The following ZNF536 variants were observed in gnomAD, a reference collection of about 807,000 sequenced individuals.
ZNF536 encodes zinc finger protein 536.
ZNF536 carries 13 observed loss-of-function variants against 84.5 expected under a neutral mutation model. The observed-to-expected ratio is 0.15, with a 90% CI of 0.10 to 0.24. The LOEUF is 0.24. Among genes scored for constraint, ZNF536 ranks in the 10% least tolerant of loss-of-function variants. The probability of loss-of-function intolerance (pLI) is 1.00; values close to 1 mark genes in which losing one functional copy is unlikely to be tolerated. For missense variants in ZNF536, 1,536 were observed against 1,747.5 expected (o/e 0.88, Z 2.16); for synonymous variants, 811 against 742.5 (o/e 1.09, Z -1.50).
intron 1 of ZNF536, among the ~76,000 whole-genome samples, chr19:30,702,268 C>T (rs1023782195): frequency 3.9e-5 from 6 of 152,202 alleles, no homozygotes; most frequent in African/African-American, 1.2e-4. Context: ...TCCTCTTGAC[C>T]CTCCGCACTG....
At chr19:30,699,841 A>G (rs1318564687) in intron 1 of ZNF536, among the ~76,000 whole-genome samples, 2 of 152,200 alleles carry the variant, frequency 1.3e-5, no homozygotes. Context: ...AAGGTCCCCA[A>G]GTGAAGACCA....
chr19:30,297,528 C>T (rs1467058117), intron 2 of ZNF536, among the ~76,000 whole-genome samples: 1 of 152,182 alleles, frequency 6.6e-6, no homozygotes, highest in Non-Finnish European at 1.5e-5. Context: ...TTTCTTTCCC[C>T]AGCAGAGACA....
intron 1 of ZNF536, among the ~76,000 whole-genome samples, chr19:30,413,882 G>A (rs2050600031): frequency 6.6e-6 from 1 of 151,930 alleles, no homozygotes; most frequent in Non-Finnish European, 1.5e-5. Flanking sequence ...ATGAGGTCAG[G>A]AGTTCGAGAC....
chr19:30,537,012 A>G (rs1475198921), intron 3 of ZNF536, among the ~76,000 whole-genome samples: 1 of 151,798 alleles, frequency 6.6e-6, no homozygotes, highest in African/African-American at 2.4e-5. Context: ...ACTTCTCTCC[A>G]TAGTGCTCAC....
intron 2 of ZNF536, among the ~76,000 whole-genome samples, chr19:30,332,303 C>A (rs1258660612): frequency 6.6e-6 from 1 of 152,200 alleles, no homozygotes; most frequent in Non-Finnish European, 1.5e-5. Context: ...TCTTCTCTGA[C>A]CTGCTCTTCC....
intron 1 of ZNF536, among the ~76,000 whole-genome samples, chr19:30,704,621 T>C (rs983600939): frequency 1.6e-5 from 2 of 121,820 alleles, no homozygotes; most frequent in South Asian, 2.7e-4. Context: ...CACTCCAGCC[T>C]GGGCAACAAG....
At chr19:30,336,044 C>G (rs764836283) in intron 2 of ZNF536, among the ~76,000 whole-genome samples, 8 of 152,262 alleles carry the variant, frequency 5.3e-5, no homozygotes, top group Middle Eastern at 3.4e-3. Flanking sequence ...AGGTTAAATT[C>G]GGTTCAGTTC....
chr19:30,428,726 C>T (rs2147944137), intron 1 of ZNF536, among the ~76,000 whole-genome samples: 1 of 152,258 alleles, frequency 6.6e-6, no homozygotes, highest in African/African-American at 2.4e-5. Flanking sequence ...ACAGAGTGTC[C>T]AACATCAGAT....
At chr19:30,455,035 AAAACAAAC>A (rs56166320) in intron 2 of ZNF536, among the ~76,000 whole-genome samples, 33 of 149,828 alleles carry the variant, frequency 2.2e-4, no homozygotes, top group East Asian at 7.9e-4. Flanking sequence ...CTCCATCTCA[AAAACAAAC>A]AAACAAACAA....
Position 30,579,461 on chromosome 19 carries a change from G to A in ZNF536, c.169+29947G>A, listed in dbSNP as rs2046846479. On this transcript the variant is annotated intron_variant, in intron 1 of 1. Coordinates refer to the ZNF536 transcript ENST00000592773. ...GCTTTGACTGGGGTTCCTTAGTTCT[G>A]TTCTGTGTGGTCTCTCATCTCCAGC... Among the ~76,000 whole-genome samples, 3 of 152,166 alleles carry A rather than the reference G, an allele frequency of 2.0e-5. No individual in the cohort carries two copies. In the South Asian group the frequency reaches 6.2e-4, roughly 32 times the overall value.
chr19:30,534,892 C>CGCT lies in ZNF536; in HGVS notation c.2220_2222dup (p.Leu741dup), dbSNP rs772652992. 1 of 1,613,880 alleles carries CGCT rather than the reference C, an allele frequency of 6.2e-7. No homozygotes were observed. The highest frequency in any genetic ancestry group is 1.1e-5 in the South Asian group (1 of 90,964). On this transcript the variant is annotated inframe_insertion, in exon 3 of 5. Coordinates refer to ENST00000355537, the MANE Select transcript of ZNF536 (RefSeq NM_014717.3). ...AGATCTGCCGGCGTCCAGCAACCAG[C>CGCT]GCTGCTTCGCGACAGAAGCCTGGGC...
At chr19:30,411,306 T>C (rs991983299) in intron 1 of ZNF536, among the ~76,000 whole-genome samples, 1 of 152,162 alleles carries the variant, frequency 6.6e-6, no homozygotes, top group Non-Finnish European at 1.5e-5. Context: ...CAACAATATA[T>C]ACAAATAAAG....
At chr19:30,538,277 A>C (rs1430075528) in intron 3 of ZNF536, among the ~76,000 whole-genome samples, 1 of 152,198 alleles carries the variant, frequency 6.6e-6, no homozygotes, top group Non-Finnish European at 1.5e-5. Flanking sequence ...ATCTTTTTGA[A>C]GTTTTTAAAC....
At chr19:30,272,549 C>A (rs1455474510) in intron 1 of ZNF536, among the ~76,000 whole-genome samples, 2 of 152,264 alleles carry the variant, frequency 1.3e-5, no homozygotes, top group African/African-American at 4.8e-5. Flanking sequence ...GGTTTCACTG[C>A]CCTAAAAATC....
chr19:30,261,591 C>T (rs909645155), intron 1 of ZNF536, among the ~76,000 whole-genome samples: 10 of 148,764 alleles, frequency 6.7e-5, no homozygotes, highest in African/African-American at 2.5e-4. Context: ...CCCAGCTACT[C>T]AGGAGGCTAA....
chr19:30,326,124 C>T (rs1264297846), intron 2 of ZNF536, among the ~76,000 whole-genome samples: 1 of 152,236 alleles, frequency 6.6e-6, no homozygotes, highest in Admixed American at 6.5e-5. Flanking sequence ...GTGCTGGGGT[C>T]AGATGGTAAC....
chr19:30,459,353 TC>T (rs1194527782), intron 2 of ZNF536, among the ~76,000 whole-genome samples: 70 of 145,466 alleles, frequency 4.8e-4, no homozygotes, highest in African/African-American at 1.6e-3. Context: ...TTTCTTTCTC[TC>T]TTTTTTTTTT....
intron 1 of ZNF536, among the ~76,000 whole-genome samples, chr19:30,373,012 C>T (rs1251117557): frequency 6.6e-6 from 1 of 152,282 alleles, no homozygotes; most frequent in South Asian, 2.1e-4. Context: ...AATCTGTCTC[C>T]AACCTAATTG....
intron 1 of ZNF536, among the ~76,000 whole-genome samples, chr19:30,243,891 A>G (rs1159710165): frequency 6.6e-6 from 1 of 152,256 alleles, no homozygotes; most frequent in African/African-American, 2.4e-5. Context: ...TTGGGGAACA[A>G]TGAAAAACTT....
Sources: gnomAD v4.1 joint callset for allele counts (sites outside exome capture counted in the v4.1 genomes callset) on GRCh38, gnomAD v4.1.1 for gene constraint, MANE v1.5 for transcripts, NCBI Gene and HGNC (gene_info 2026-07-23, HGNC 2026-07-21) for gene names.